SPTLC3: variants seen among roughly 807,000 people sequenced by gnomAD.
SPTLC3 encodes serine palmitoyltransferase long chain base subunit 3, also known as serine palmitoyltransferase 3.
Under a neutral mutation model 59.3 loss-of-function variants are expected in SPTLC3, and 36 were observed. The observed-to-expected ratio is 0.61, with a 90% CI of 0.47 to 0.80. The LOEUF (loss-of-function observed/expected upper bound fraction) is 0.80. Among genes scored for constraint, SPTLC3 ranks in the 30% least tolerant of loss-of-function variants. SPTLC3 has a pLI of 0.00. For synonymous variants in SPTLC3, 257 were observed against 240.8 expected, an observed-to-expected ratio of 1.07 and a Z score of -0.62; for missense variants, 625 against 685.1, an observed-to-expected ratio of 0.91 and a Z score of 0.98.
chr20:13,048,176 G>A (rs1317243364), intron 1 of SPTLC3, among the ~76,000 whole-genome samples: 1 of 149,632 alleles, frequency 6.7e-6, no homozygotes, highest in Non-Finnish European at 1.5e-5. Context: ...CCAGATTAAA[G>A]CATAAAGCAA....
intron 7 of SPTLC3, among the ~76,000 whole-genome samples, chr20:13,115,506 A>C (rs1258274467): frequency 6.6e-6 from 1 of 151,416 alleles, no homozygotes; most frequent in African/African-American, 2.5e-5. Flanking sequence ...CAGTTCCAGA[A>C]CAAAAAAATG....
intron 6 of SPTLC3, among the ~76,000 whole-genome samples, chr20:13,100,599 A>C (rs546179075): frequency 6.6e-6 from 1 of 152,320 alleles, no homozygotes; most frequent in East Asian, 1.9e-4. Context: ...AAAACACCTG[A>C]GTACCAGAAT....
At chr20:13,085,107 T>A (rs762577258) in intron 4 of SPTLC3, among the ~76,000 whole-genome samples, 4 of 152,116 alleles carry the variant, frequency 2.6e-5, no homozygotes, top group Non-Finnish European at 5.9e-5. Context: ...GAAAGTTACT[T>A]CCACCATTTT....
chr20:13,084,697 G>T (rs963671185), intron 4 of SPTLC3, among the ~76,000 whole-genome samples: 2 of 152,148 alleles, frequency 1.3e-5, no homozygotes, highest in Non-Finnish European at 2.9e-5. Context: ...GTAGCATCAC[G>T]TTGGTACCTG....
chr20:13,057,619 A>G (rs1028391852), intron 2 of SPTLC3, among the ~76,000 whole-genome samples: 3 of 152,220 alleles, frequency 2.0e-5, no homozygotes, highest in Non-Finnish European at 4.4e-5. Flanking sequence ...ACTGAAAAGA[A>G]TAGAAAAATC....
intron 4 of SPTLC3, among the ~76,000 whole-genome samples, chr20:13,089,829 C>A (rs1022271486): frequency 7.5e-5 from 11 of 147,186 alleles, no homozygotes; most frequent in African/African-American, 2.5e-4. Context: ...ATTTTACATT[C>A]TTTTTGTCAT....
intron 4 of SPTLC3, among the ~76,000 whole-genome samples, chr20:13,077,261 G>A (rs3910134): frequency 0.38 from 57,378 of 149,860 alleles, 11,092 homozygotes; most frequent in Middle Eastern, 0.52. Flanking sequence ...ATTACTTTAT[G>A]TATTTTATAT....
intron 1 of SPTLC3, among the ~76,000 whole-genome samples, chr20:13,033,575 T>A (rs1042491186): frequency 3.9e-5 from 6 of 152,184 alleles, no homozygotes; most frequent in African/African-American, 1.4e-4. Flanking sequence ...CTTCAAGGGA[T>A]GTCAGAAATG....
chr20:13,074,166 C>T (rs1233952756), intron 3 of SPTLC3, 183 bp from the exon 4 acceptor site: 2 of 831,544 alleles, frequency 2.4e-6, no homozygotes, highest in Non-Finnish European at 4.1e-6. Context: ...GGAAACCAAC[C>T]TCTAGGACAG....
At chr20:13,018,629 C>G (rs1171186849) in intron 1 of SPTLC3, among the ~76,000 whole-genome samples, 4 of 152,150 alleles carry the variant, frequency 2.6e-5, no homozygotes, top group African/African-American at 9.7e-5. Context: ...GCTTAATTAA[C>G]ATATTTTAAG....
intron 1 of SPTLC3, among the ~76,000 whole-genome samples, chr20:13,011,707 G>A (rs918327651): frequency 1.0e-4 from 14 of 138,590 alleles, no homozygotes; most frequent in African/African-American, 1.7e-4. Flanking sequence ...CCTTTCTGGA[G>A]CTTTTATGGA....
At chr20:13,118,582 G>A (rs1990723428) in intron 8 of SPTLC3, among the ~76,000 whole-genome samples, 1 of 152,110 alleles carries the variant, frequency 6.6e-6, no homozygotes, top group Admixed American at 6.6e-5. Flanking sequence ...ACAATGAGAG[G>A]ATAGCCTTGT....
At chr20:13,110,262 C>T (rs369662555) in intron 7 of SPTLC3, 45 bp downstream of exon 7, 254 of 1,530,384 alleles carry the variant, frequency 1.7e-4, no homozygotes, top group Non-Finnish European at 2.2e-4. Context: ...AGGCCTGCAG[C>T]AAGCTGACCA....
chr20:13,011,367 G>A (rs559109718), intron 1 of SPTLC3, among the ~76,000 whole-genome samples: 1 of 152,112 alleles, frequency 6.6e-6, no homozygotes, highest in African/African-American at 2.4e-5. Context: ...AACACGTTCT[G>A]CCTGGCCTAA....
At chr20:13,079,482 AACC>A (rs1229772815) in intron 4 of SPTLC3, among the ~76,000 whole-genome samples, 2 of 152,042 alleles carry the variant, frequency 1.3e-5, no homozygotes, top group East Asian at 1.9e-4. Context: ...AAAAAACAAA[AACC>A]ACCACCACCA....
chr20:13,047,096 T>C (rs566344467), intron 1 of SPTLC3, among the ~76,000 whole-genome samples: 1 of 152,208 alleles, frequency 6.6e-6, no homozygotes, highest in Non-Finnish European at 1.5e-5. Flanking sequence ...ATTCAAATTT[T>C]AGATATCACT....
Position 13,160,043 on chromosome 20 carries a change from G to A in SPTLC3, c.1456G>A (p.Val486Met). 6.2e-6 allele frequency: 10 copies of A among 1,613,464 alleles called. No homozygotes were observed. The highest frequency in any genetic ancestry group is 8.5e-6 in the Non-Finnish European group (10 of 1,179,846). Residue 486 changes from valine to methionine, a missense_variant, in exon 11 of 12, where the codon GTG (valine) becomes ATG (methionine). Coordinates refer to ENST00000399002, the MANE Select transcript of SPTLC3 (RefSeq NM_018327.4). The stretch of plus-strand genomic sequence containing the variant: ...TATGCTAGAGAAAAAAATTGGAGTG[G>A]TGGTCGTGGGATTTCCAGCCACTCC... ...RHMLEKKIGV[V>M]VVGFPATPLA...
At chr20:13,095,426 A>C (rs1989376671) in intron 6 of SPTLC3, among the ~76,000 whole-genome samples, 1 of 152,188 alleles carries the variant, frequency 6.6e-6, no homozygotes, top group Non-Finnish European at 1.5e-5. Context: ...GGGAACATCC[A>C]TAAAAGATCA....
intron 1 of SPTLC3, among the ~76,000 whole-genome samples, chr20:13,036,164 A>G (rs989290409): frequency 2.0e-5 from 3 of 152,206 alleles, no homozygotes; most frequent in African/African-American, 7.2e-5. Context: ...AAAAAAAAAT[A>G]CATGCTAAAA....
Sources: gnomAD v4.1 joint callset for allele counts (sites outside exome capture counted in the v4.1 genomes callset) on GRCh38, gnomAD v4.1.1 for gene constraint, MANE v1.5 for transcripts, NCBI Gene and HGNC (gene_info 2026-07-23, HGNC 2026-07-21) for gene names.